PTPRD: variants seen among roughly 807,000 people sequenced by gnomAD.
PTPRD encodes protein tyrosine phosphatase receptor type D.
A neutral mutation model predicts 214.5 loss-of-function variants in PTPRD; 34 were observed. That is an observed-to-expected ratio of 0.16 (90% confidence interval 0.12 to 0.21). PTPRD has a LOEUF of 0.21. Among genes scored for constraint, PTPRD ranks in the 10% least tolerant of loss-of-function variants. The pLI, the probability that PTPRD is intolerant of heterozygous loss-of-function variation, is 1.00. For missense variants in PTPRD, 2,545 were observed against 2,398.7 expected (o/e 1.06, Z -1.27); for synonymous variants, 1,128 against 845.7 (o/e 1.33, Z -5.79).
chr9:10,127,889 C>CT (rs1394770448), intron 3 of PTPRD, among the ~76,000 whole-genome samples: 1 of 152,162 alleles, frequency 6.6e-6, no homozygotes, highest in Admixed American at 6.5e-5. Context: ...GTCACTATCA[C>CT]AGAGATCAGT....
chr9:8,360,168 G>A (rs756507268), intron 39 of PTPRD, among the ~76,000 whole-genome samples: 7 of 152,174 alleles, frequency 4.6e-5, no homozygotes, highest in African/African-American at 1.4e-4. Flanking sequence ...TGGAAAGATA[G>A]ACGTAAAAGT....
At chr9:8,751,429 AT>A (rs1424882161) in intron 11 of PTPRD, among the ~76,000 whole-genome samples, 4 of 148,018 alleles carry the variant, frequency 2.7e-5, no homozygotes, top group Non-Finnish European at 6.0e-5. Flanking sequence ...AGAAAAAAAA[AT>A]ATTTTTAGGT....
chr9:9,912,381 C>T (rs773065274), intron 5 of PTPRD, among the ~76,000 whole-genome samples: 1 of 152,104 alleles, frequency 6.6e-6, no homozygotes, highest in Non-Finnish European at 1.5e-5. Context: ...AGCAGTCTCC[C>T]TTGTCAAATG....
At chr9:9,787,912 G>T (rs2098937610) in intron 5 of PTPRD, among the ~76,000 whole-genome samples, 1 of 151,750 alleles carries the variant, frequency 6.6e-6, no homozygotes, top group Non-Finnish European at 1.5e-5. Context: ...CTCCTAAGTA[G>T]CTGGGACTAC....
intron 10 of PTPRD, among the ~76,000 whole-genome samples, chr9:9,109,531 G>A (rs1203971317): frequency 6.6e-6 from 1 of 152,124 alleles, no homozygotes; most frequent in South Asian, 2.1e-4. Context: ...TTAGTGGCAA[G>A]CATCAACGAA....
intron 9 of PTPRD, among the ~76,000 whole-genome samples, chr9:9,392,603 C>G (rs1201035294): frequency 6.6e-6 from 1 of 152,040 alleles, no homozygotes; most frequent in Non-Finnish European, 1.5e-5. Flanking sequence ...TGCTGTGACT[C>G]TAGGGTAATT....
At chr9:9,483,164 T>C (rs572613658) in intron 8 of PTPRD, among the ~76,000 whole-genome samples, 1 of 152,172 alleles carries the variant, frequency 6.6e-6, no homozygotes, top group Non-Finnish European at 1.5e-5. Context: ...TTAGAAATCA[T>C]GCATAGAACA....
intron 3 of PTPRD, among the ~76,000 whole-genome samples, chr9:10,323,099 T>C (rs2096580502): frequency 6.6e-6 from 1 of 152,024 alleles, no homozygotes; most frequent in East Asian, 1.9e-4. Flanking sequence ...AGAGGAAAAA[T>C]GAACATTTTA....
intron 14 of PTPRD, among the ~76,000 whole-genome samples, chr9:8,612,984 A>G (rs1313015995): frequency 6.6e-6 from 1 of 152,196 alleles, no homozygotes; most frequent in Non-Finnish European, 1.5e-5. Flanking sequence ...TACAAAAAGG[A>G]AAGGATTATT....
intron 14 of PTPRD, among the ~76,000 whole-genome samples, chr9:8,548,638 G>A (rs1195281311): frequency 1.3e-5 from 2 of 149,206 alleles, no homozygotes; most frequent in Admixed American, 6.7e-5. Flanking sequence ...AAAGTGCTGG[G>A]ATTAGAGGTG....
chr9:8,583,066 G>A (rs1411245051), intron 14 of PTPRD, among the ~76,000 whole-genome samples: 1 of 152,126 alleles, frequency 6.6e-6, no homozygotes, highest in Admixed American at 6.5e-5. Flanking sequence ...CAACCGTTTT[G>A]GCCAAGATGA....
chr9:10,102,379 C>T (rs832262), intron 3 of PTPRD, among the ~76,000 whole-genome samples: 61,285 of 151,070 alleles, frequency 0.41, 13,283 homozygotes, highest in East Asian at 0.53. Context: ...ACAGAAAGCT[C>T]CAGATTATTG....
chr9:10,273,024 G>C (rs1393828963), intron 3 of PTPRD, among the ~76,000 whole-genome samples: 1 of 152,138 alleles, frequency 6.6e-6, no homozygotes, highest in African/African-American at 2.4e-5. Context: ...GGAAAAATTG[G>C]CTTTTCCCAG....
intron 3 of PTPRD, among the ~76,000 whole-genome samples, chr9:10,305,747 G>T (rs1426773200): frequency 6.6e-6 from 1 of 152,202 alleles, no homozygotes; most frequent in South Asian, 2.1e-4. Flanking sequence ...AGTTACAATG[G>T]CAATAATTAA....
At chr9:8,464,587 C>T (rs183111391) in intron 32 of PTPRD, among the ~76,000 whole-genome samples, 2 of 151,966 alleles carry the variant, frequency 1.3e-5, no homozygotes, top group African/African-American at 4.8e-5. Flanking sequence ...ATGACTGGCT[C>T]AACTGGGTTG....
intron 7 of PTPRD, among the ~76,000 whole-genome samples, chr9:9,659,480 T>C (rs1341373641): frequency 1.3e-5 from 2 of 152,042 alleles, no homozygotes; most frequent in African/African-American, 4.8e-5. Flanking sequence ...GGGCTATACA[T>C]CAAATCAATT....
At chr9:8,332,859 T>TAAAG (rs1842831292) in intron 43 of PTPRD, among the ~76,000 whole-genome samples, 1 of 152,306 alleles carries the variant, frequency 6.6e-6, no homozygotes, top group South Asian at 2.1e-4. Context: ...CTCTTCTCAT[T>TAAAG]AAAGAGCCTT....
chr9:8,628,994 G>A (rs937183231), intron 14 of PTPRD, among the ~76,000 whole-genome samples: 1 of 151,704 alleles, frequency 6.6e-6, no homozygotes, highest in Admixed American at 6.6e-5. Flanking sequence ...TGGTGGTGGT[G>A]GTTTGGGGCA....
chr9:8,437,875 C>T (rs2095413528), intron 34 of PTPRD, among the ~76,000 whole-genome samples: 1 of 152,214 alleles, frequency 6.6e-6, no homozygotes, highest in Non-Finnish European at 1.5e-5. Context: ...TTGGTGACTC[C>T]TGTGTCTTTC....
Sources: allele counts gnomAD v4.1 joint callset (sites outside exome capture counted in the v4.1 genomes callset), GRCh38; gene constraint gnomAD v4.1.1; transcripts MANE v1.5; gene names NCBI Gene and HGNC (gene_info 2026-07-23, HGNC 2026-07-21).